SPHKAP: variants seen among roughly 807,000 people sequenced by gnomAD.
The protein encoded by SPHKAP is A-kinase anchor protein SPHKAP.
In SPHKAP, 67 loss-of-function variants were observed where a neutral mutation model predicts 137.5. The observed-to-expected ratio is 0.49, with a 90% confidence interval of 0.40 to 0.60. The LOEUF (loss-of-function observed/expected upper bound fraction) is 0.60. SPHKAP is among the 20% of genes least tolerant of loss of function. The pLI is 0.00. For synonymous variants in SPHKAP, 813 were observed against 785.3 expected (o/e 1.04, Z -0.59); for missense variants, 2,097 against 2,069.3 (o/e 1.01, Z -0.26).
At chr2:227,990,956 G>T in intron 11 of SPHKAP, 44 bp downstream of exon 11, 1 of 1,597,396 alleles carries the variant, frequency 6.3e-7, no homozygotes, top group South Asian at 1.1e-5. Flanking sequence ...CAGTGGTGAT[G>T]AAAACACAAA....
At chr2:228,000,012 T>C (rs1303167263) in intron 7 of SPHKAP, among the ~76,000 whole-genome samples, 1 of 152,260 alleles carries the variant, frequency 6.6e-6, no homozygotes, top group Non-Finnish European at 1.5e-5. Context: ...AAATGTATAA[T>C]GACTAATATC....
intron 3 of SPHKAP, among the ~76,000 whole-genome samples, chr2:228,091,140 G>A (rs1697716100): frequency 6.6e-6 from 1 of 152,026 alleles, no homozygotes; most frequent in Non-Finnish European, 1.5e-5. Flanking sequence ...GATATAAATA[G>A]GTTGAAAGTA....
intron 3 of SPHKAP, among the ~76,000 whole-genome samples, chr2:228,046,085 C>T (rs1049289048): frequency 6.6e-6 from 1 of 152,108 alleles, no homozygotes; most frequent in Non-Finnish European, 1.5e-5. Context: ...CCCCTACACA[C>T]ACACACACAT....
intron 3 of SPHKAP, among the ~76,000 whole-genome samples, chr2:228,037,559 T>C (rs1695670808): frequency 6.6e-6 from 1 of 152,138 alleles, no homozygotes; most frequent in Non-Finnish European, 1.5e-5. Flanking sequence ...CTTAACTATA[T>C]ACGAAAGTGA....
chr2:228,054,678 G>T (rs776766266), intron 3 of SPHKAP, among the ~76,000 whole-genome samples: 1 of 152,048 alleles, frequency 6.6e-6, no homozygotes, highest in Non-Finnish European at 1.5e-5. Flanking sequence ...CCTTGGAAAA[G>T]GTCCCAGGTG....
intron 3 of SPHKAP, among the ~76,000 whole-genome samples, chr2:228,040,367 T>G (rs1344103901): frequency 6.6e-6 from 1 of 152,190 alleles, no homozygotes; most frequent in African/African-American, 2.4e-5. Flanking sequence ...AAAATTACCT[T>G]CTAAAGAATA....
intron 3 of SPHKAP, among the ~76,000 whole-genome samples, chr2:228,065,176 C>G (rs1025452425): frequency 1.5e-4 from 23 of 152,162 alleles, no homozygotes; most frequent in Non-Finnish European, 1.5e-5. Flanking sequence ...ACCAACACAG[C>G]CAAGCTAAGT....
intron 3 of SPHKAP, among the ~76,000 whole-genome samples, chr2:228,042,157 A>T (rs187715209): frequency 6.6e-6 from 1 of 152,288 alleles, no homozygotes; most frequent in Non-Finnish European, 1.5e-5. Flanking sequence ...TTACTCCTGG[A>T]AGGAGCTGCA....
At chr2:228,116,510 C>T (rs567417795) in intron 2 of SPHKAP, among the ~76,000 whole-genome samples, 1 of 152,224 alleles carries the variant, frequency 6.6e-6, no homozygotes, top group South Asian at 2.1e-4. Context: ...TCACAAAGAG[C>T]AGCTATTGTT....
At chr2:228,001,230 C>A (rs201379733) in intron 7 of SPHKAP, among the ~76,000 whole-genome samples, 1 of 138,436 alleles carries the variant, frequency 7.2e-6, no homozygotes, top group Non-Finnish European at 1.5e-5. Context: ...TTTATATAAA[C>A]ATATATATAT....
chr2:228,128,926 T>C (rs925924732), intron 2 of SPHKAP, among the ~76,000 whole-genome samples: 4 of 152,200 alleles, frequency 2.6e-5, no homozygotes, highest in African/African-American at 9.6e-5. Context: ...ATTCCATTTA[T>C]AGAACCCAGG....
intron 3 of SPHKAP, 27 bp from the exon 4 acceptor site, chr2:228,027,570 G>A (rs745842875): frequency 1.7e-5 from 27 of 1,610,556 alleles, no homozygotes; most frequent in Middle Eastern, 1.6e-4. Context: ...AAAATAGTAC[G>A]TTAAAGTCAA....
chr2:228,114,618 T>C (rs1247557441), intron 2 of SPHKAP, among the ~76,000 whole-genome samples: 1 of 152,186 alleles, frequency 6.6e-6, no homozygotes, highest in Non-Finnish European at 1.5e-5. Flanking sequence ...AGGGCTAGCC[T>C]CAACAGAGTA....
intron 7 of SPHKAP, among the ~76,000 whole-genome samples, chr2:228,008,664 G>T (rs1478385535): frequency 7.1e-6 from 1 of 141,546 alleles, no homozygotes; most frequent in African/African-American, 2.7e-5. Context: ...TTTTCAAATG[G>T]TGTAATGTGT....
intron 7 of SPHKAP, among the ~76,000 whole-genome samples, chr2:228,015,823 AGG>A (rs1694561826): frequency 6.6e-6 from 1 of 152,000 alleles, no homozygotes; most frequent in South Asian, 2.1e-4. Context: ...AAAACTTGAA[AGG>A]AGAGACTCTA....
At chr2:228,164,487 T>C (rs965901861) in intron 1 of SPHKAP, among the ~76,000 whole-genome samples, 23 of 152,252 alleles carry the variant, frequency 1.5e-4, no homozygotes, top group African/African-American at 5.5e-4. Flanking sequence ...ATTGAAGTTA[T>C]AGTTTCAACA....
chr2:228,115,534 T>G (rs10175175), intron 2 of SPHKAP, among the ~76,000 whole-genome samples: 52,297 of 152,012 alleles, frequency 0.34, 9,275 homozygotes, highest in East Asian at 0.5. Flanking sequence ...GCAAATTACT[T>G]AACAATTAGC....
At chr2:228,055,844 G>A (rs935817353) in intron 3 of SPHKAP, among the ~76,000 whole-genome samples, 1 of 152,182 alleles carries the variant, frequency 6.6e-6, no homozygotes, top group Admixed American at 6.5e-5. Flanking sequence ...AAGACACCAG[G>A]ATTCCAGATT....
chr2:228,098,116 C>T (rs961447634), intron 3 of SPHKAP, among the ~76,000 whole-genome samples: 8 of 151,278 alleles, frequency 5.3e-5, no homozygotes, highest in Non-Finnish European at 1.2e-4. Context: ...TATAAGTTTT[C>T]CCTTTTTTTC....
Sources: gnomAD v4.1 joint callset for allele counts (sites outside exome capture counted in the v4.1 genomes callset) on GRCh38, gnomAD v4.1.1 for gene constraint, MANE v1.5 for transcripts, NCBI Gene and HGNC (gene_info 2026-07-23, HGNC 2026-07-21) for gene names.